The following NEGR1 variants were observed in gnomAD, a reference collection of about 807,000 sequenced individuals.
NEGR1 encodes the protein IgLON family member 4.
Under a neutral mutation model 40.9 loss-of-function variants are expected in NEGR1, and 10 were observed. The observed-to-expected ratio is 0.24, with a 90% CI of 0.15 to 0.42. The LOEUF is 0.42. NEGR1 is among the 10% of genes least tolerant of loss of function. The pLI is 1.00. For synonymous variants in NEGR1, 185 were observed against 166.8 expected (o/e 1.11, Z -0.84); for missense variants, 352 against 438.9 (o/e 0.80, Z 1.77).
intron 1 of NEGR1, among the ~76,000 whole-genome samples, chr1:72,082,524 G>A (rs1294942673): frequency 6.6e-6 from 1 of 151,946 alleles, no homozygotes; most frequent in East Asian, 1.9e-4. Flanking sequence ...TACATTATCT[G>A]AGGACACACA....
chr1:71,568,177 C>G (rs559894327), intron 6 of NEGR1, among the ~76,000 whole-genome samples: 1 of 152,180 alleles, frequency 6.6e-6, no homozygotes. Context: ...ACTTCCTTAG[C>G]TGTTTTAGTA....
At chr1:72,127,231 G>A (rs912601891) in intron 1 of NEGR1, among the ~76,000 whole-genome samples, 2 of 152,130 alleles carry the variant, frequency 1.3e-5, no homozygotes, top group African/African-American at 4.8e-5. Flanking sequence ...TTGGGAGGCC[G>A]AGGCGGGAAG....
intron 3 of NEGR1, among the ~76,000 whole-genome samples, chr1:71,723,617 G>A (rs1007721275): frequency 6.6e-6 from 1 of 151,988 alleles, no homozygotes; most frequent in African/African-American, 2.4e-5. Context: ...TTCTGTGCTT[G>A]GAAGGCTTTC....
At chr1:71,605,580 G>T (rs896585450) in intron 5 of NEGR1, among the ~76,000 whole-genome samples, 3 of 152,134 alleles carry the variant, frequency 2.0e-5, no homozygotes, top group African/African-American at 7.2e-5. Flanking sequence ...TAGATTAATT[G>T]AATTTCATAT....
intron 6 of NEGR1, among the ~76,000 whole-genome samples, chr1:71,583,522 T>C (rs919601289): frequency 3.3e-5 from 5 of 152,236 alleles, no homozygotes; most frequent in African/African-American, 1.2e-4. Context: ...GCAGAGTTGA[T>C]GTGCATCTAT....
intron 1 of NEGR1, among the ~76,000 whole-genome samples, chr1:72,214,000 C>A (rs937099762): frequency 6.6e-6 from 1 of 152,044 alleles, no homozygotes; most frequent in African/African-American, 2.4e-5. Context: ...AGCGGCACAT[C>A]AAAAAGCTGA....
intron 1 of NEGR1, among the ~76,000 whole-genome samples, chr1:72,248,006 C>G (rs926077554): frequency 6.6e-6 from 1 of 151,938 alleles, no homozygotes; most frequent in Non-Finnish European, 1.5e-5. Flanking sequence ...CGAGAGTGTG[C>G]GTCGGCAGGG....
chr1:71,776,166 C>A lies in NEGR1; in HGVS notation c.535+6G>T, dbSNP rs767531492. On this transcript the variant is annotated splice_donor_region_variant and intron_variant, in intron 3 of 6. Coordinates refer to ENST00000357731, the MANE Select transcript of NEGR1 (RefSeq NM_173808.3). ...CACAAACAACACTAATGCATTCCTA[C>A]TTTACCTGATGGGGAGATGTGTCGC... 2 of 1,607,902 alleles carry A rather than the reference C, an allele frequency of 1.2e-6. No homozygotes were observed. The highest frequency in any genetic ancestry group is 8.5e-7 in the Non-Finnish European group (1 of 1,176,512).
At chr1:71,665,492 A>T (rs1346048576) in intron 4 of NEGR1, among the ~76,000 whole-genome samples, 1 of 152,218 alleles carries the variant, frequency 6.6e-6, no homozygotes, top group Non-Finnish European at 1.5e-5. Flanking sequence ...AGATGCAAGG[A>T]CTACAACATG....
intron 1 of NEGR1, among the ~76,000 whole-genome samples, chr1:72,084,737 T>C (rs1648143405): frequency 6.6e-6 from 1 of 152,188 alleles, no homozygotes; most frequent in African/African-American, 2.4e-5. Context: ...AAGAAAATTT[T>C]CTAAATTAGT....
chr1:71,679,138 C>G (rs1570192267), intron 4 of NEGR1, among the ~76,000 whole-genome samples: 1 of 152,084 alleles, frequency 6.6e-6, no homozygotes, highest in Non-Finnish European at 1.5e-5. Context: ...ATTTATCTTT[C>G]CTTCTACTAA....
chr1:71,959,408 A>G (rs1404405801), intron 1 of NEGR1, among the ~76,000 whole-genome samples: 1 of 152,170 alleles, frequency 6.6e-6, no homozygotes, highest in African/African-American at 2.4e-5. Context: ...AACCCAAATA[A>G]ATTACAAACA....
rs1646274903 is a variant in NEGR1 at position 71,405,873 on chromosome 1, C to T, written c.*1573G>A. On this transcript the variant is annotated 3_prime_UTR_variant, in exon 7 of 7. Coordinates refer to ENST00000357731, the MANE Select transcript of NEGR1 (RefSeq NM_173808.3). The stretch of plus-strand genomic sequence containing the variant: ...ACTGAAATTGGTAACTTCATCAAAC[C>T]TGTAAAATGGCTTTCAAGGTGATGG... 2 of 152,138 alleles carry T rather than the reference C, an allele frequency of 1.3e-5. No homozygotes were observed. Among genetic ancestry groups the T allele is most frequent in the African/African-American group, 2.4e-5 (1 of 41,360 alleles). The allele number at this position is 152,138 out of a possible 1,614,324, so 9.4% of individuals were successfully genotyped here.
At chr1:72,168,653 G>A (rs1651853410) in intron 1 of NEGR1, among the ~76,000 whole-genome samples, 3 of 152,302 alleles carry the variant, frequency 2.0e-5, no homozygotes, top group Admixed American at 6.5e-5. Context: ...ACTTTGGGAA[G>A]CCAAGGCAGG....
intron 1 of NEGR1, among the ~76,000 whole-genome samples, chr1:72,009,469 T>C (rs528582463): frequency 6.6e-6 from 1 of 152,124 alleles, no homozygotes; most frequent in Admixed American, 6.6e-5. Flanking sequence ...TTTAAATCAT[T>C]CTACTTTTAA....
intron 6 of NEGR1, among the ~76,000 whole-genome samples, chr1:71,585,947 C>T (rs1476269793): frequency 6.6e-6 from 1 of 152,010 alleles, no homozygotes; most frequent in Non-Finnish European, 1.5e-5. Flanking sequence ...GAAGAGGAAA[C>T]CAGCATTTAA....
At chr1:71,858,464 T>C (rs1236148927) in intron 2 of NEGR1, among the ~76,000 whole-genome samples, 1 of 152,080 alleles carries the variant, frequency 6.6e-6, no homozygotes, top group African/African-American at 2.4e-5. Flanking sequence ...AAATAATTAT[T>C]ACAGTGGAAC....
chr1:72,168,009 T>TATTATTA (rs200032888), intron 1 of NEGR1, among the ~76,000 whole-genome samples: 2 of 146,566 alleles, frequency 1.4e-5, no homozygotes, highest in African/African-American at 5.0e-5. Context: ...ATTATTATTT[T>TATTATTA]TTTTTTTTTT....
intron 1 of NEGR1, among the ~76,000 whole-genome samples, chr1:72,114,346 A>T (rs571075186): frequency 2.6e-4 from 40 of 151,734 alleles, no homozygotes; most frequent in African/African-American, 8.9e-4. Context: ...CTGCCAGTAG[A>T]CCACCTTTGG....
Sources: gnomAD v4.1 joint callset for allele counts (sites outside exome capture counted in the v4.1 genomes callset) on GRCh38, gnomAD v4.1.1 for gene constraint, MANE v1.5 for transcripts, NCBI Gene and HGNC (gene_info 2026-07-23, HGNC 2026-07-21) for gene names.